Variants in SPIDR observed in about 807,000 individuals in gnomAD.
SPIDR encodes DNA repair-scaffolding protein.
In SPIDR, 93 loss-of-function variants were observed where a neutral mutation model predicts 104.6. The ratio of observed to expected loss-of-function variants is 0.89; its 90% CI spans 0.75 to 1.06. SPIDR has a LOEUF of 1.06. SPIDR is among the 50% of genes least tolerant of loss of function. The pLI is 0.00. For synonymous variants in SPIDR, 431 were observed against 416.9 expected, an observed-to-expected ratio of 1.03 and a Z score of -0.41; for missense variants, 1,154 against 1,111.2, an observed-to-expected ratio of 1.04 and a Z score of -0.55.
At chr8:47,732,834 G>A (rs925418557) in intron 19 of SPIDR, 1 of 152,308 alleles carries the variant, frequency 6.6e-6, no homozygotes, top group African/African-American at 2.4e-5. Flanking sequence ...TGCCTTTACT[G>A]TAATGTGGTC....
intron 8 of SPIDR, among the ~76,000 whole-genome samples, chr8:47,562,424 G>A (rs1055024285): frequency 6.6e-6 from 1 of 152,150 alleles, no homozygotes; most frequent in Non-Finnish European, 1.5e-5. Flanking sequence ...CTGGGGCACC[G>A]GACAGGGCAT....
At chr8:47,716,353 A>G (rs1024056303) in intron 16 of SPIDR, among the ~76,000 whole-genome samples, 3 of 152,186 alleles carry the variant, frequency 2.0e-5, no homozygotes, top group African/African-American at 7.2e-5. Context: ...CTGACTTTTT[A>G]TAATTGATAA....
chr8:47,284,245 T>C (rs1212117703), intron 3 of SPIDR, 151 bp downstream of exon 3: 2 of 596,580 alleles, frequency 3.4e-6, no homozygotes, highest in Non-Finnish European at 5.7e-6. Flanking sequence ...TAAAAAGATA[T>C]TTTTGAGAAC....
At chr8:47,412,819 C>T (rs782389857) in intron 7 of SPIDR, among the ~76,000 whole-genome samples, 2 of 152,192 alleles carry the variant, frequency 1.3e-5, no homozygotes, top group Admixed American at 6.5e-5. Context: ...TTATAATCTA[C>T]TTCCCTCCAT....
intron 5 of SPIDR, among the ~76,000 whole-genome samples, chr8:47,323,076 C>A (rs1026722057): frequency 1.3e-4 from 19 of 143,962 alleles, no homozygotes; most frequent in African/African-American, 4.7e-4. Flanking sequence ...TACCCGAAAA[C>A]GTAAAGTATA....
At chr8:47,452,898 A>G (rs6981485) in intron 8 of SPIDR, among the ~76,000 whole-genome samples, 111,926 of 151,964 alleles carry the variant, frequency 0.74, 41,363 homozygotes, top group East Asian at 0.82. Flanking sequence ...AGGGTATTCA[A>G]TTAGGAAAAG....
intron 8 of SPIDR, among the ~76,000 whole-genome samples, chr8:47,536,127 A>G (rs79173793): frequency 0.015 from 2,213 of 152,142 alleles, 20 homozygotes; most frequent in Non-Finnish European, 0.023. Flanking sequence ...AGAAATGTAC[A>G]AAATTCTGAT....
chr8:47,528,681 A>G (rs2085412852), intron 8 of SPIDR, among the ~76,000 whole-genome samples: 1 of 152,180 alleles, frequency 6.6e-6, no homozygotes, highest in South Asian at 2.1e-4. Flanking sequence ...TGGGCTCATC[A>G]GTAGACTGGA....
At chr8:47,374,915 G>A (rs1481449950) in intron 5 of SPIDR, among the ~76,000 whole-genome samples, 2 of 152,088 alleles carry the variant, frequency 1.3e-5, no homozygotes, top group African/African-American at 4.8e-5. Flanking sequence ...AATTAGCCAA[G>A]TGTGGTGGCG....
At position 47,548,180 on chromosome 8, in the gene SPIDR, G is replaced by T. The variant is rs2089784323; in HGVS notation, c.1098-47631G>T. On this transcript the variant is annotated intron_variant, in intron 8 of 19. Transcript: ENST00000297423. ...GTTAATTAGAAGATAAGAAAAAGTA[G>T]CTTTTGCCTTAAACTAAAACTCAAT... is the stretch of plus-strand genomic sequence containing the variant. 2.0e-5 allele frequency among the ~76,000 whole-genome samples: 3 copies of T among 152,200 alleles called. No individual in the cohort carries two copies. In the Middle Eastern group the frequency reaches 0.01, roughly 518 times the overall value.
chr8:47,697,167 A>G (rs893600041), intron 11 of SPIDR, among the ~76,000 whole-genome samples: 6 of 151,920 alleles, frequency 3.9e-5, no homozygotes, highest in Non-Finnish European at 7.4e-5. Context: ...GACTCGTGAC[A>G]TGTCGGGGTG....
chr8:47,421,259 G>C (rs1183005472), intron 7 of SPIDR, among the ~76,000 whole-genome samples: 1 of 152,358 alleles, frequency 6.6e-6, no homozygotes, highest in Non-Finnish European at 1.5e-5. Context: ...ATCAGACGTA[G>C]ATTTGGTCTT....
intron 5 of SPIDR, among the ~76,000 whole-genome samples, chr8:47,366,995 T>C (rs996887033): frequency 5.3e-5 from 8 of 152,220 alleles, no homozygotes; most frequent in Non-Finnish European, 1.2e-4. Context: ...GCATAATCCA[T>C]GGGACTGTGT....
chr8:47,499,631 C>T (rs187586773), intron 8 of SPIDR, among the ~76,000 whole-genome samples: 3 of 151,152 alleles, frequency 2.0e-5, no homozygotes, highest in African/African-American at 7.3e-5. Flanking sequence ...TTTCCAGGAA[C>T]ACAGCCATAA....
chr8:47,337,459 C>T (rs1554610443), intron 5 of SPIDR, among the ~76,000 whole-genome samples: 1 of 152,036 alleles, frequency 6.6e-6, no homozygotes, highest in Non-Finnish European at 1.5e-5. Context: ...ATTGACTTGT[C>T]AGAGTTCCGT....
intron 10 of SPIDR, among the ~76,000 whole-genome samples, chr8:47,648,675 C>G (rs1229700095): frequency 6.6e-6 from 1 of 152,098 alleles, no homozygotes; most frequent in Non-Finnish European, 1.5e-5. Context: ...AGATAAAATA[C>G]AAGATGAGCC....
chr8:47,298,508 T>C (rs1158297717), intron 5 of SPIDR, among the ~76,000 whole-genome samples: 1 of 152,184 alleles, frequency 6.6e-6, no homozygotes, highest in Admixed American at 6.5e-5. Context: ...TTTTGGTGTT[T>C]TAGACATGAA....
At chr8:47,343,446 A>G (rs1418328979) in intron 5 of SPIDR, among the ~76,000 whole-genome samples, 1 of 152,208 alleles carries the variant, frequency 6.6e-6, no homozygotes, top group Non-Finnish European at 1.5e-5. Flanking sequence ...TGCACTGGTT[A>G]CCAACTTGTC....
intron 5 of SPIDR, among the ~76,000 whole-genome samples, chr8:47,378,001 C>G (rs2058871337): frequency 6.6e-6 from 1 of 152,006 alleles, no homozygotes; most frequent in Non-Finnish European, 1.5e-5. Context: ...TAAATCAAGC[C>G]CAGGATAACT....
Sources: allele counts gnomAD v4.1 joint callset (sites outside exome capture counted in the v4.1 genomes callset), GRCh38; gene constraint gnomAD v4.1.1; transcripts MANE v1.5; gene names NCBI Gene and HGNC (gene_info 2026-07-23, HGNC 2026-07-21).